Variants in HSPG2 observed in about 807,000 individuals in gnomAD.
HSPG2 encodes basement membrane-specific heparan sulfate proteoglycan core protein.
Under a neutral mutation model 526.6 loss-of-function variants are expected in HSPG2, and 278 were observed. The observed-to-expected ratio is 0.53, with a 90% CI of 0.48 to 0.58. The LOEUF is 0.58. Ranked by LOEUF, HSPG2 falls within the 20% of genes least tolerant of loss-of-function variation. The pLI, the probability that HSPG2 is intolerant of heterozygous loss-of-function variation, is 0.00. For synonymous variants in HSPG2, 2,465 were observed against 2,555.4 expected (o/e 0.96, Z 1.07); for missense variants, 5,354 against 6,099.5 (o/e 0.88, Z 4.07).
At position 21,880,880 on chromosome 1, in the gene HSPG2, T is replaced by C. The variant is rs910098595; in HGVS notation, c.1819-45A>G. 14 of 1,538,932 alleles carry C rather than the reference T, an allele frequency of 9.1e-6. No homozygotes were observed. The African/African-American group carries it at 1.9e-4, about 21-fold the overall frequency. ...CAGCACGGGCAGCTGTGGGCACACT[T>C]GACACCTCGTGCCTATGAGGTGCCT... On this transcript the variant is annotated intron_variant, in intron 14 of 96. Transcript: ENST00000374695.
At chr1:21,897,912 C>T (rs926235946) in intron 1 of HSPG2, among the ~76,000 whole-genome samples, 4 of 152,084 alleles carry the variant, frequency 2.6e-5, no homozygotes, top group Non-Finnish European at 4.4e-5. Flanking sequence ...CTCTTTGTCC[C>T]GACTCCTTGC....
chr1:21,930,643 G>C (rs767869894), intron 1 of HSPG2, among the ~76,000 whole-genome samples: 1 of 151,996 alleles, frequency 6.6e-6, no homozygotes, highest in Non-Finnish European at 1.5e-5. Context: ...ACGTGGTGGC[G>C]TGTTCCTGTA....
At chr1:21,833,641 C>T in intron 78 of HSPG2, 27 bp from the exon 79 acceptor site, 1 of 1,613,812 alleles carries the variant, frequency 6.2e-7, no homozygotes, top group Non-Finnish European at 8.5e-7. Context: ...ACTGAGGGCC[C>T]TGGCCTTGGC....
intron 1 of HSPG2, among the ~76,000 whole-genome samples, chr1:21,927,773 C>T (rs886527503): frequency 6.6e-6 from 1 of 152,144 alleles, no homozygotes; most frequent in Admixed American, 6.5e-5. Context: ...GCTGCGGCCT[C>T]GGTAGGCGAA....
chr1:21,927,488 G>C (rs1644232087), intron 1 of HSPG2, among the ~76,000 whole-genome samples: 1 of 150,982 alleles, frequency 6.6e-6, no homozygotes, highest in Non-Finnish European at 1.5e-5. Context: ...CTCCAGTGTA[G>C]GCCAGGGGGG....
At chr1:21,841,768 A>C in intron 69 of HSPG2, 95 bp from the exon 70 acceptor site, 1 of 1,498,292 alleles carries the variant, frequency 6.7e-7, no homozygotes, top group Non-Finnish European at 9.2e-7. Flanking sequence ...CACTTCCCCA[A>C]TCCCTCCGGC....
chr1:21,836,174 G>A (rs991953903), intron 75 of HSPG2, among the ~76,000 whole-genome samples: 1 of 152,104 alleles, frequency 6.6e-6, no homozygotes, highest in Non-Finnish European at 1.5e-5. Context: ...TTATCAAGTA[G>A]CAGAGCTGAG....
rs777136154 is a variant in HSPG2 at position 21,851,681 on chromosome 1, C to T, written c.7023G>A (p.Gln2341=). Residue 2341 remains glutamine, a synonymous_variant, in exon 55 of 97, where the codon CAG becomes CAA. Coordinates refer to ENST00000374695, the MANE Select transcript of HSPG2 (RefSeq NM_005529.7). Reference sequence around the variant, plus strand: ...AGGAGGAGGGCTCGATGCGGATGGGCTGGGTGCTGCCGGCAGCTGAGGGAT... The same window carrying T: ...AGGAGGAGGGCTCGATGCGGATGGGTTGGGTGCTGCCGGCAGCTGAGGGAT... ...ANLAYPAGST[Q]PIRIEPSSSQ... is the part of the protein sequence containing the mutation. 6.2e-7 allele frequency: 1 copy of T among 1,614,042 alleles called. No individual in the cohort carries two copies. Among genetic ancestry groups the T allele is most frequent in the East Asian group, 2.2e-5 (1 of 44,860 alleles).
chr1:21,890,514 C>G lies in HSPG2; in HGVS notation c.355-29G>C. The G allele has an allele frequency of 6.2e-7, 1 of 1,613,298 alleles. No homozygotes were observed. Among genetic ancestry groups the G allele is most frequent in the Non-Finnish European group, 8.5e-7 (1 of 1,179,354 alleles). ...GGGAGGGACACAGTGCCATCAGCCC[C>G]AGAGGCCTTCACCCCATCCTCGGTC... On this transcript the variant is annotated intron_variant, in intron 4 of 96. Coordinates refer to ENST00000374695, the MANE Select transcript of HSPG2 (RefSeq NM_005529.7). This position sits in a 1 kb window ranked among gnomAD's most constrained non-coding sequence, Gnocchi z 4.1.
chr1:21,910,935 C>T (rs1337115215), intron 1 of HSPG2, among the ~76,000 whole-genome samples: 4 of 152,162 alleles, frequency 2.6e-5, no homozygotes, highest in South Asian at 2.1e-4. Context: ...TTAAGCAGCT[C>T]GCCTGAGGTC....
In HSPG2 at chr1:21,839,159, G is replaced by T; in HGVS notation, c.9890-74C>A. 6.5e-7 allele frequency: 1 copy of T among 1,530,880 alleles called. No homozygotes were observed. Among genetic ancestry groups the T allele is most frequent in the Non-Finnish European group, 8.8e-7 (1 of 1,132,134 alleles). 94.8% of individuals were successfully genotyped at this position (1,530,880 alleles called of 1,614,324 possible). On this transcript the variant is annotated intron_variant, in intron 73 of 96. Transcript: ENST00000374695. This position sits in a 1 kb window ranked among gnomAD's most constrained non-coding sequence, Gnocchi z 4.5. Reference sequence around the variant, plus strand: ...ATGGCAGCAGGTCGTTGGATCCAGTGTCCAGGGAAGCTGAATGGTGAGCCC... The same window carrying T: ...ATGGCAGCAGGTCGTTGGATCCAGTTTCCAGGGAAGCTGAATGGTGAGCCC...
rs946951481 is a variant in HSPG2, at chr1:21,858,098, A to G, written c.5294-713T>C. 3.9e-5 allele frequency among the ~76,000 whole-genome samples: 6 copies of G among 152,204 alleles called. No homozygotes were observed. The highest frequency in any genetic ancestry group is 1.4e-4 in the African/African-American group (6 of 41,450). On this transcript the variant is annotated intron_variant, in intron 42 of 96. Transcript: ENST00000374695. This position sits in a 1 kb window ranked among gnomAD's most constrained non-coding sequence, Gnocchi z 4.2. Reference sequence around the variant, plus strand: ...ATGACCCACTTCCTGGCCTCCCTTCAGAGCCAAGACTCTTGCAGGAGTTGT... The same window carrying G: ...ATGACCCACTTCCTGGCCTCCCTTCGGAGCCAAGACTCTTGCAGGAGTTGT...
intron 1 of HSPG2, among the ~76,000 whole-genome samples, chr1:21,897,435 G>A (rs1265369991): frequency 6.6e-6 from 1 of 152,296 alleles, no homozygotes; most frequent in Non-Finnish European, 1.5e-5. Flanking sequence ...AAAACAAAGA[G>A]CCAGCCAGGC....
Position 21,887,160 on chromosome 1 carries a change from G to T in HSPG2, c.1078+55C>A, listed in dbSNP as rs1641960275. The stretch of plus-strand genomic sequence containing the variant: ...GGGGCAGGAGTGGAAGGCGGGGCAG[G>T]AGCAAGCGGCCTGGGCAGGGCAAGG... On this transcript the variant is annotated intron_variant, in intron 9 of 96. Transcript: ENST00000374695. The surrounding 1 kb of genome is among the most constrained non-coding windows in gnomAD (Gnocchi z 5.0). The T allele has an allele frequency of 1.3e-5, 21 of 1,607,364 alleles. No individual in the cohort carries two copies. Among genetic ancestry groups the T allele is most frequent in the Non-Finnish European group, 1.5e-5 (18 of 1,176,876 alleles).
intron 21 of HSPG2, among the ~76,000 whole-genome samples, chr1:21,877,290 T>G (rs2152750238): frequency 6.6e-6 from 1 of 150,608 alleles, no homozygotes; most frequent in South Asian, 2.1e-4. Context: ...TGCTTTCCAT[T>G]CGACATCACC....
At chr1:21,855,186 G>T (rs1639235610) in intron 47 of HSPG2, 118 bp downstream of exon 47, 2 of 1,415,476 alleles carry the variant, frequency 1.4e-6, no homozygotes, top group Non-Finnish European at 1.9e-6. Flanking sequence ...CACCATCTTG[G>T]AGGTGAAGGG....
chr1:21,833,782 A>C, intron 78 of HSPG2, 34 bp downstream of exon 78: 3 of 1,534,066 alleles, frequency 2.0e-6, no homozygotes, highest in Non-Finnish European at 2.7e-6. Context: ...CCAGCCCCCA[A>C]GTCATGCCCG....
Position 21,876,378 on chromosome 1 carries a change from G to C in HSPG2, c.2854C>G (p.His952Asp). 1 of 1,612,240 alleles carries C rather than the reference G, an allele frequency of 6.2e-7. No homozygotes were observed. The highest frequency in any genetic ancestry group is 1.1e-5 in the South Asian group (1 of 90,656). ...CTTGCGGCGTTGGTCAGGCTGAAGT[G>C]ACCAGGCTCCTCAGAGGCCCCATGC... ...QLHGASEEPG[H>D]FSLTNAASTH... is the part of the protein sequence containing the mutation. The change falls in exon 23 of 97, where the codon CAC becomes GAC. Residue 952 changes from histidine to aspartate, a missense_variant. Physicochemically the swap from His to Asp is moderately conservative, Grantham distance 81. Coordinates refer to ENST00000374695, the MANE Select transcript of HSPG2 (RefSeq NM_005529.7).
chr1:21,879,945 G>A (rs988897250), intron 17 of HSPG2, among the ~76,000 whole-genome samples, 162 bp downstream of exon 17: 3 of 152,170 alleles, frequency 2.0e-5, no homozygotes, highest in East Asian at 1.9e-4. Context: ...GAGCCACTGC[G>A]CCTGACCTAT....
Sources: gnomAD v4.1 joint callset for allele counts (sites outside exome capture counted in the v4.1 genomes callset) on GRCh38, gnomAD v4.1.1 for gene constraint, Gnocchi (gnomAD v3.1) non-coding constraint, MANE v1.5 for transcripts, NCBI Gene and HGNC (gene_info 2026-07-23, HGNC 2026-07-21) for gene names.